PPP2R2B: variants seen among roughly 807,000 people sequenced by gnomAD.
The protein encoded by PPP2R2B is serine/threonine-protein phosphatase 2A 55 kDa regulatory subunit B beta isoform.
PPP2R2B carries 5 observed loss-of-function variants against 46.0 expected under a neutral mutation model. The ratio of observed to expected loss-of-function variants is 0.11; its 90% CI spans 0.06 to 0.23. The LOEUF (loss-of-function observed/expected upper bound fraction) is 0.23, where lower values mean the gene tolerates loss of function less well. Ranked by LOEUF, PPP2R2B falls within the 10% of genes least tolerant of loss-of-function variation. The pLI, the probability that PPP2R2B is intolerant of heterozygous loss-of-function variation, is 1.00. For synonymous variants in PPP2R2B, 215 were observed against 206.7 expected (o/e 1.04, Z -0.34); for missense variants, 367 against 575.0 (o/e 0.64, Z 3.70).
upstream of PPP2R2B, among the ~76,000 whole-genome samples, chr5:146,880,790 A>G (rs1215331742): frequency 1.3e-5 from 2 of 152,112 alleles, no homozygotes; most frequent in Admixed American, 1.3e-4. Context: ...TTCTTTTCAC[A>G]TATGCTGCAA....
intron 2 of PPP2R2B, among the ~76,000 whole-genome samples, chr5:147,067,265 C>G (rs1042758166): frequency 6.6e-6 from 1 of 152,148 alleles, no homozygotes; most frequent in Non-Finnish European, 1.5e-5. Context: ...CAGTACATCT[C>G]TTGAATTTAT....
chr5:146,698,711 T>G (rs376761624), intron 3 of PPP2R2B, among the ~76,000 whole-genome samples: 4 of 151,602 alleles, frequency 2.6e-5, no homozygotes, highest in African/African-American at 4.8e-5. Flanking sequence ...TCACAGCTCA[T>G]AAGGAGCAGA....
intron 1 of PPP2R2B, among the ~76,000 whole-genome samples, chr5:146,968,200 C>T (rs1362741373): frequency 6.6e-6 from 1 of 152,182 alleles, no homozygotes; most frequent in African/African-American, 2.4e-5. Context: ...CCATGGGTAT[C>T]AGTTCAGAGT....
intron 1 of PPP2R2B, chr5:147,054,482 T>A: frequency 3.4e-6 from 1 of 292,364 alleles, no homozygotes; most frequent in Non-Finnish European, 7.1e-6. Flanking sequence ...AATGTCCAAC[T>A]GTAAAAAAAA....
At chr5:146,603,084 C>T (rs991591145) in intron 7 of PPP2R2B, among the ~76,000 whole-genome samples, 1 of 152,166 alleles carries the variant, frequency 6.6e-6, no homozygotes, top group Non-Finnish European at 1.5e-5. Flanking sequence ...ATTTACTACT[C>T]CAGCTTTAGT....
intron 1 of PPP2R2B, among the ~76,000 whole-genome samples, chr5:146,916,800 C>G (rs984481157): frequency 6.6e-6 from 1 of 152,126 alleles, no homozygotes; most frequent in Non-Finnish European, 1.5e-5. Context: ...AAGTTGGGCA[C>G]TGAATTAAAC....
chr5:146,823,653 A>G (rs1355952099), intron 2 of PPP2R2B, among the ~76,000 whole-genome samples: 2 of 152,108 alleles, frequency 1.3e-5, no homozygotes, highest in Non-Finnish European at 2.9e-5. Context: ...TTAAAGTTTA[A>G]AATCTTGGAA....
At chr5:146,692,255 A>G (rs931526379) in intron 4 of PPP2R2B, among the ~76,000 whole-genome samples, 3 of 152,220 alleles carry the variant, frequency 2.0e-5, no homozygotes, top group Non-Finnish European at 4.4e-5. Context: ...AATGGTAAGG[A>G]GATACACTGA....
At chr5:146,904,780 C>T (rs372191024) in intron 1 of PPP2R2B, among the ~76,000 whole-genome samples, 1 of 152,192 alleles carries the variant, frequency 6.6e-6, no homozygotes, top group South Asian at 2.1e-4. Context: ...AATGAGGGCA[C>T]GGACATGGTA....
intron 2 of PPP2R2B, among the ~76,000 whole-genome samples, chr5:146,870,323 A>G (rs183295892): frequency 1.3e-5 from 2 of 152,302 alleles, no homozygotes; most frequent in African/African-American, 4.8e-5. Flanking sequence ...GAGATAATTA[A>G]GATTAAATGA....
intron 2 of PPP2R2B, among the ~76,000 whole-genome samples, chr5:147,066,807 T>C (rs779242677): frequency 3.0e-4 from 45 of 152,142 alleles, no homozygotes; most frequent in Non-Finnish European, 5.4e-4. Flanking sequence ...CAGCAGTTTC[T>C]GAGGAAGGCT....
intron 5 of PPP2R2B, among the ~76,000 whole-genome samples, chr5:146,668,986 C>A (rs1337144960): frequency 6.6e-6 from 1 of 151,912 alleles, no homozygotes; most frequent in African/African-American, 2.4e-5. Flanking sequence ...AAGCAGAGGA[C>A]CTTTTTAAAA....
At position 146,589,703 on chromosome 5, in the gene PPP2R2B, T is replaced by G; in HGVS notation, c.*244A>C. 1 of 481,924 alleles carries G rather than the reference T, an allele frequency of 2.1e-6. No individual in the cohort carries two copies. Among genetic ancestry groups the G allele is most frequent in the Non-Finnish European group, 3.7e-6 (1 of 272,290 alleles). The allele number at this position is 481,924 out of a possible 1,614,324, so 29.9% of individuals were successfully genotyped here. A position where few individuals can be genotyped will look rare whatever the true frequency, so the allele number is the denominator to read the frequency against. ...AAGCATCAGAAGTTCAAGTCAACTA[T>G]GGAAGAATTACTGTTAGCTGGCAGC... is the stretch of plus-strand genomic sequence containing the variant. On this transcript the variant is annotated 3_prime_UTR_variant, in exon 10 of 10. Coordinates refer to ENST00000394411, the MANE Select transcript of PPP2R2B (RefSeq NM_181675.4).
At position 146,701,691 on chromosome 5, in the gene PPP2R2B, G is replaced by A. The variant is rs142132797; in HGVS notation, c.71-549C>T. ...ACTGACGAATGCTCCAGCTTGGCCCGTGCCCCTTCTTTTTTTGTGAGCCCA... is the reference window on the plus strand; with the variant it reads ...ACTGACGAATGCTCCAGCTTGGCCCATGCCCCTTCTTTTTTTGTGAGCCCA... On this transcript the variant is annotated intron_variant, in intron 2 of 9. Transcript: ENST00000394411. Among the ~76,000 whole-genome samples, 771 of 152,292 alleles carry A rather than the reference G, an allele frequency of 5.1e-3. 6 individuals are homozygous for A. The highest frequency in any genetic ancestry group is 0.044 in the Middle Eastern group (13 of 294).
rs534393429 is a variant in PPP2R2B at position 146,659,680 on chromosome 5, T to TA, written c.448-8957dup. Among the ~76,000 whole-genome samples the TA allele has an allele frequency of 5.6e-4, 86 of 152,300 alleles. 1 individual carries two copies. The South Asian group carries it at 0.017, about 30-fold the overall frequency. On this transcript the variant is annotated intron_variant, in intron 5 of 9. Transcript: ENST00000394411. ...CTTCACAATGGCCTTATGAAGTAGG[T>TA]ACTAAGATCATTGTCATTTTATGGA...
rs905950606 is a variant in PPP2R2B at position 146,732,355 on chromosome 5, C to G, written c.71-31213G>C. Among the ~76,000 whole-genome samples, 4 of 152,138 alleles carry G rather than the reference C, an allele frequency of 2.6e-5. No individual in the cohort carries two copies. In the South Asian group the frequency reaches 8.3e-4, roughly 32 times the overall value. On this transcript the variant is annotated intron_variant, in intron 2 of 9. Coordinates refer to ENST00000394411, the MANE Select transcript of PPP2R2B (RefSeq NM_181675.4). ...ATAAATGATAATATTTAGTCTGAAGCCTCAGGCTTCCAGCTACCAATACAC... is the reference window on the plus strand; with the variant it reads ...ATAAATGATAATATTTAGTCTGAAGGCTCAGGCTTCCAGCTACCAATACAC...
intron 2 of PPP2R2B, among the ~76,000 whole-genome samples, chr5:146,760,149 G>A (rs1489060771): frequency 1.3e-5 from 2 of 152,202 alleles, no homozygotes; most frequent in African/African-American, 2.4e-5. Context: ...TTCAGCTGTT[G>A]TGTAATAACA....
At chr5:146,746,975 T>TGGAGGAA (rs1753232956) in intron 2 of PPP2R2B, among the ~76,000 whole-genome samples, 1 of 152,182 alleles carries the variant, frequency 6.6e-6, no homozygotes, top group African/African-American at 2.4e-5. Flanking sequence ...TATAACATCG[T>TGGAGGAA]GCTGCATATC....
intron 1 of PPP2R2B, among the ~76,000 whole-genome samples, chr5:147,015,044 C>A (rs1015006170): frequency 5.3e-5 from 8 of 152,010 alleles, no homozygotes; most frequent in Non-Finnish European, 8.8e-5. Flanking sequence ...GGATACTTAA[C>A]CTGTATATAG....
Sources: allele counts gnomAD v4.1 joint callset (sites outside exome capture counted in the v4.1 genomes callset), GRCh38; gene constraint gnomAD v4.1.1; transcripts MANE v1.5; gene names NCBI Gene and HGNC (gene_info 2026-07-23, HGNC 2026-07-21).